The following KIF26B variants were observed in gnomAD, a reference collection of about 807,000 sequenced individuals.
KIF26B encodes the protein kinesin family member 26B, also known as kinesin-like protein KIF26B.
KIF26B carries 63 observed loss-of-function variants against 151.2 expected under a neutral mutation model. That is an observed-to-expected ratio of 0.42 (90% CI 0.34 to 0.51). The LOEUF (loss-of-function observed/expected upper bound fraction) is 0.51, where lower values mean the gene tolerates loss of function less well. Ranked by LOEUF, KIF26B falls within the 20% of genes least tolerant of loss-of-function variation. The probability of loss-of-function intolerance (pLI) is 0.07; values close to 1 mark genes in which losing one functional copy is unlikely to be tolerated. For synonymous variants in KIF26B, 1,357 were observed against 1,262.1 expected (o/e 1.08, Z -1.59); for missense variants, 2,813 against 2,913.6 (o/e 0.97, Z 0.79).
rs868606053 is a variant in KIF26B, at chr1:245,245,870, G to A, written c.465+89187G>A. Among the ~76,000 whole-genome samples, 18 of 140,012 alleles carry A rather than the reference G, an allele frequency of 1.3e-4. 1 individual carries two copies. The highest frequency in any genetic ancestry group is 9.3e-5 in the Non-Finnish European group (6 of 64,254). 91.9% of individuals were successfully genotyped at this position (140,012 alleles called of 152,430 possible). A position where few individuals can be genotyped will look rare whatever the true frequency, so the allele number is the denominator to read the frequency against. The stretch of plus-strand genomic sequence containing the variant: ...GAACCCAAGAGGCGGAGATTGCAGT[G>A]AGCCGAGATCACACTACTACAGTCC... On this transcript the variant is annotated intron_variant, in intron 2 of 14. Coordinates refer to ENST00000407071, the MANE Select transcript of KIF26B (RefSeq NM_018012.4).
At chr1:245,280,530 C>CAA (rs1170207967) in intron 2 of KIF26B, among the ~76,000 whole-genome samples, 1 of 79,634 alleles carries the variant, frequency 1.3e-5, no homozygotes, top group Non-Finnish European at 2.1e-5. Flanking sequence ...GACTCTGTCT[C>CAA]AAAAAAAAAA....
At chr1:245,658,704 A>G (rs2044101355) in intron 10 of KIF26B, among the ~76,000 whole-genome samples, 1 of 152,060 alleles carries the variant, frequency 6.6e-6, no homozygotes, top group African/African-American at 2.4e-5. Flanking sequence ...TCAGTTTTCC[A>G]TTAATAATAC....
intron 2 of KIF26B, among the ~76,000 whole-genome samples, chr1:245,282,597 C>T (rs7518719): frequency 0.091 from 13,920 of 152,170 alleles, 807 homozygotes; most frequent in African/African-American, 0.16. Context: ...CCAGCTTTTT[C>T]CAGGGCTACA....
intron 4 of KIF26B, among the ~76,000 whole-genome samples, chr1:245,526,927 A>G (rs1661248628): frequency 6.6e-6 from 1 of 152,212 alleles, no homozygotes; most frequent in South Asian, 2.1e-4. Context: ...AAAGTGAACA[A>G]CACTACTTCT....
chr1:245,327,818 A>G (rs1008686493), intron 2 of KIF26B, among the ~76,000 whole-genome samples: 4 of 152,190 alleles, frequency 2.6e-5, no homozygotes, highest in Non-Finnish European at 4.4e-5. Flanking sequence ...AAGACATTAG[A>G]TCAATGGGAA....
chr1:245,163,093 T>G lies in KIF26B; in HGVS notation c.465+6410T>G, dbSNP rs188265195. ...AAAAAAGAATTTATCTTTCTCACAT[T>G]AATTGAAGATACCACCATTGTCATA... On this transcript the variant is annotated intron_variant, in intron 2 of 14. Transcript: ENST00000407071. 1.9e-3 allele frequency among the ~76,000 whole-genome samples: 287 copies of G among 152,346 alleles called. 1 individual carries two copies. Among genetic ancestry groups the G allele is most frequent in the African/African-American group, 6.6e-3 (276 of 41,578 alleles).
At chr1:245,393,460 G>A (rs1008974300) in intron 3 of KIF26B, among the ~76,000 whole-genome samples, 1 of 151,788 alleles carries the variant, frequency 6.6e-6, no homozygotes, top group Admixed American at 6.6e-5. Flanking sequence ...CGCAAAGATG[G>A]CTTCTGTTGT....
At chr1:245,327,592 G>T (rs956886554) in intron 2 of KIF26B, among the ~76,000 whole-genome samples, 1 of 152,150 alleles carries the variant, frequency 6.6e-6, no homozygotes, top group African/African-American at 2.4e-5. Context: ...CTGAGAGAGG[G>T]TTTTGTTTTC....
intron 5 of KIF26B, among the ~76,000 whole-genome samples, chr1:245,554,926 T>C (rs1661983813): frequency 6.6e-6 from 1 of 152,262 alleles, no homozygotes; most frequent in African/African-American, 2.4e-5. Flanking sequence ...TTCCCCTGAA[T>C]GTATGTGATG....
chr1:245,391,264 T>G (rs1673693003), intron 3 of KIF26B, among the ~76,000 whole-genome samples: 1 of 152,202 alleles, frequency 6.6e-6, no homozygotes, highest in Non-Finnish European at 1.5e-5. Context: ...TTTATTAATA[T>G]ATTTAATAGT....
chr1:245,417,080 C>T (rs1329297335), intron 3 of KIF26B, among the ~76,000 whole-genome samples: 2 of 149,444 alleles, frequency 1.3e-5, no homozygotes, highest in Admixed American at 6.7e-5. Flanking sequence ...CCTGCCCCCG[C>T]CCCATCATGA....
chr1:245,411,411 C>T (rs1183882596), intron 3 of KIF26B, among the ~76,000 whole-genome samples: 3 of 152,216 alleles, frequency 2.0e-5, no homozygotes, highest in African/African-American at 4.8e-5. Context: ...CTGACAAACA[C>T]AGACGCTGCA....
intron 6 of KIF26B, among the ~76,000 whole-genome samples, chr1:245,603,900 G>A (rs968842835): frequency 6.6e-6 from 1 of 152,128 alleles, no homozygotes; most frequent in Admixed American, 6.5e-5. Flanking sequence ...ATAATTGGGA[G>A]GCTACTTGGG....
rs1669702376 is a variant in KIF26B, at chr1:245,218,916, T to C, written c.465+62233T>C. On this transcript the variant is annotated intron_variant, in intron 2 of 14. Coordinates refer to ENST00000407071, the MANE Select transcript of KIF26B (RefSeq NM_018012.4). This position sits in a 1 kb window ranked among gnomAD's most constrained non-coding sequence, Gnocchi z 4.1. ...AGACCTGAAACCCTTTCCCCGGTTC[T>C]TGTTGGCATTTCTGACTTTGCCATT... Among the ~76,000 whole-genome samples the C allele has an allele frequency of 6.6e-6, 1 of 152,112 alleles. No individual in the cohort carries two copies. Among genetic ancestry groups the C allele is most frequent in the South Asian group, 2.1e-4 (1 of 4,822 alleles).
chr1:245,364,326 T>TCA (rs1672890403), intron 2 of KIF26B, among the ~76,000 whole-genome samples: 6 of 151,864 alleles, frequency 4.0e-5, no homozygotes, highest in Admixed American at 3.9e-4. Flanking sequence ...TGGAGAGTGG[T>TCA]TGTGTCCCTA....
chr1:245,211,909 G>A (rs111495757), intron 2 of KIF26B, among the ~76,000 whole-genome samples: 2,781 of 152,230 alleles, frequency 0.018, 77 homozygotes, highest in African/African-American at 0.063. Context: ...ATTTCCATTC[G>A]GCCTGCACCC....
chr1:245,156,784 C>G, intron 2 of KIF26B, 101 bp downstream of exon 2: 1 of 702,684 alleles, frequency 1.4e-6, no homozygotes, highest in Non-Finnish European at 2.0e-6. Flanking sequence ...CGCGCCGGCT[C>G]CACGCGAGAG....
chr1:245,475,235 G>T (rs1660009136), intron 4 of KIF26B, among the ~76,000 whole-genome samples: 1 of 151,818 alleles, frequency 6.6e-6, no homozygotes, highest in African/African-American at 2.4e-5. Context: ...AGACTGAGCT[G>T]CTCAGACAGT....
intron 4 of KIF26B, among the ~76,000 whole-genome samples, chr1:245,443,320 G>A (rs963925550): frequency 3.5e-5 from 5 of 141,676 alleles, no homozygotes; most frequent in African/African-American, 5.3e-5. Context: ...CACCTAAAGC[G>A]GTCATCTCCC....
Sources: gnomAD v4.1 joint callset for allele counts (sites outside exome capture counted in the v4.1 genomes callset) on GRCh38, gnomAD v4.1.1 for gene constraint, Gnocchi (gnomAD v3.1) non-coding constraint, MANE v1.5 for transcripts, NCBI Gene and HGNC (gene_info 2026-07-23, HGNC 2026-07-21) for gene names.